The following CCN4 variants were observed in gnomAD, a reference collection of about 807,000 sequenced individuals.
CCN4 encodes the protein CCN family member 4.
In CCN4, 30 loss-of-function variants were observed where a neutral mutation model predicts 36.7. The ratio of observed to expected loss-of-function variants is 0.82; its 90% CI spans 0.61 to 1.11. The LOEUF is 1.11. Among genes scored for constraint, CCN4 ranks in the 50% least tolerant of loss-of-function variants. The pLI is 0.00. For synonymous variants in CCN4, 191 were observed against 195.4 expected (o/e 0.98, Z 0.19); for missense variants, 505 against 504.9 (o/e 1.00, Z 0.00).
chr8:133,213,725 AT>A (rs1390701868), intron 2 of CCN4, among the ~76,000 whole-genome samples: 1 of 147,622 alleles, frequency 6.8e-6, no homozygotes, highest in Non-Finnish European at 1.5e-5. Flanking sequence ...GTATAGAAAT[AT>A]AATATAAAGA....
intron 3 of CCN4, 25 bp from the exon 4 acceptor site, chr8:133,225,365 T>C (rs759415501): frequency 4.6e-5 from 72 of 1,559,422 alleles, no homozygotes; most frequent in Non-Finnish European, 5.6e-5. Flanking sequence ...TGTAGATTCA[T>C]GCAGATTCTG....
intron 1 of CCN4, among the ~76,000 whole-genome samples, chr8:133,204,789 C>A (rs1234338261): frequency 1.3e-5 from 2 of 152,190 alleles, no homozygotes; most frequent in Admixed American, 1.3e-4. Context: ...TCCTTGACCT[C>A]GAGTGATCCA....
intron 1 of CCN4, among the ~76,000 whole-genome samples, chr8:133,193,854 C>T (rs1853202852): frequency 6.6e-6 from 1 of 152,180 alleles, no homozygotes; most frequent in Non-Finnish European, 1.5e-5. Flanking sequence ...CATGTAGTCC[C>T]TGCCCGACAG....
intron 3 of CCN4, among the ~76,000 whole-genome samples, chr8:133,221,220 T>C (rs1028954372): frequency 1.3e-5 from 2 of 152,200 alleles, no homozygotes; most frequent in Non-Finnish European, 2.9e-5. Context: ...AGCTTCATGA[T>C]GATTTGGGGC....
At position 133,223,766 on chromosome 8, in the gene CCN4, G is replaced by C. The variant is rs187277518; in HGVS notation, c.611-1624G>C. Among the ~76,000 whole-genome samples, 116 of 152,072 alleles carry C rather than the reference G, an allele frequency of 7.6e-4. 1 individual carries two copies. Among genetic ancestry groups the C allele is most frequent in the African/African-American group, 2.7e-3 (114 of 41,474 alleles). On this transcript the variant is annotated intron_variant, in intron 3 of 4. Coordinates refer to ENST00000250160, the MANE Select transcript of CCN4 (RefSeq NM_003882.4). ...CCCTCCTCTCCTCATGCACATGTGT[G>C]TTTGGATGGGACAGGCCTCCTCTCC...
intron 3 of CCN4, among the ~76,000 whole-genome samples, chr8:133,223,142 C>T (rs1365871467): frequency 6.6e-6 from 1 of 152,080 alleles, no homozygotes; most frequent in Non-Finnish European, 1.5e-5. Context: ...AGCTTTGTCC[C>T]CAGCAGCCCC....
Position 133,230,155 on chromosome 8 carries a change from C to T in CCN4, c.*2445C>T, listed in dbSNP as rs1372021848. ...AGGAAGGTGGTCAGAATAACCCAGT[C>T]GCCATTGGTTTTGAGAAACGGAACT... is the stretch of plus-strand genomic sequence containing the variant. On this transcript the variant is annotated 3_prime_UTR_variant, in exon 5 of 5. Coordinates refer to ENST00000250160, the MANE Select transcript of CCN4 (RefSeq NM_003882.4). The T allele has an allele frequency of 2.6e-5, 4 of 152,220 alleles. No homozygotes were observed. The highest frequency in any genetic ancestry group is 9.6e-5 in the African/African-American group (4 of 41,462). 9.4% of individuals were successfully genotyped at this position (152,220 alleles called of 1,614,324 possible).
In CCN4 at chr8:133,198,294, T is replaced by G. The variant is rs376216794; in HGVS notation, c.69+7081T>G. ...TAGATGTGCTTTGTCCCTCTTACAG[T>G]GTCCAAAAATATTCTCCTTTCAGCC... On this transcript the variant is annotated intron_variant, in intron 1 of 4. Transcript: ENST00000250160. Among the ~76,000 whole-genome samples, 38 of 152,310 alleles carry G rather than the reference T, an allele frequency of 2.5e-4. 1 individual carries two copies. In the South Asian group the frequency reaches 7.9e-3, roughly 32 times the overall value.
At chr8:133,198,720 G>T (rs960565107) in intron 1 of CCN4, among the ~76,000 whole-genome samples, 1 of 152,212 alleles carries the variant, frequency 6.6e-6, no homozygotes, top group Non-Finnish European at 1.5e-5. Flanking sequence ...TCTTGCCCAC[G>T]TGGAGGGAAA....
chr8:133,194,602 G>A (rs1853271795), intron 1 of CCN4, among the ~76,000 whole-genome samples: 2 of 129,686 alleles, frequency 1.5e-5, no homozygotes, highest in Non-Finnish European at 3.3e-5. Context: ...TGGGGTGTGT[G>A]TGTGTGGGTT....
chr8:133,196,443 C>T (rs190431610), intron 1 of CCN4, among the ~76,000 whole-genome samples: 416 of 152,292 alleles, frequency 2.7e-3, no homozygotes, highest in Non-Finnish European at 4.3e-3. Context: ...ATCTATTATT[C>T]CACTAAACTT....
intron 1 of CCN4, among the ~76,000 whole-genome samples, chr8:133,205,407 A>T (rs1205012528): frequency 6.6e-6 from 1 of 152,066 alleles, no homozygotes; most frequent in Non-Finnish European, 1.5e-5. Context: ...CCTTCCCTAG[A>T]CAACACTCTC....
chr8:133,212,820 C>G, intron 1 of CCN4, 44 bp from the exon 2 acceptor site: 1 of 1,456,808 alleles, frequency 6.9e-7, no homozygotes, highest in South Asian at 1.3e-5. Flanking sequence ...GCGTTGAAAC[C>G]CCTGTCTCAG....
intron 2 of CCN4, among the ~76,000 whole-genome samples, chr8:133,216,000 C>A (rs1588198865): frequency 6.6e-6 from 1 of 152,194 alleles, no homozygotes; most frequent in East Asian, 1.9e-4. Context: ...CACACACACA[C>A]ACACACAAAC....
At chr8:133,218,548 A>G (rs887459213) in intron 2 of CCN4, among the ~76,000 whole-genome samples, 5 of 152,348 alleles carry the variant, frequency 3.3e-5, no homozygotes, top group Admixed American at 2.0e-4. Flanking sequence ...CCCAGTATCC[A>G]ATAACAGAGA....
At chr8:133,218,369 GCAAGGTT>G (rs1229624434) in intron 2 of CCN4, among the ~76,000 whole-genome samples, 2 of 152,150 alleles carry the variant, frequency 1.3e-5, no homozygotes, top group African/African-American at 2.4e-5. Context: ...AATAGCCGCA[GCAAGGTT>G]CACACAAACC....
In CCN4 at chr8:133,225,391, T is replaced by C. The variant is rs1287187290; in HGVS notation, c.612T>C (p.Asp204=). The change falls in exon 4 of 5, where the codon GAT becomes GAC. Residue 204 remains aspartate, a splice_region_variant and synonymous_variant. Coordinates refer to ENST00000250160, the MANE Select transcript of CCN4 (RefSeq NM_003882.4). ...GCAGATTCTGTTCCCCACACACAGA[T>C]GCTGTGGGTGAGGTGGAGGCATGGC... The part of the protein sequence containing the change: ...KTAPRDTGAF[D]AVGEVEAWHR... The C allele has an allele frequency of 6.3e-7, 1 of 1,596,704 alleles. No individual in the cohort carries two copies. Among genetic ancestry groups the C allele is most frequent in the Non-Finnish European group, 8.6e-7 (1 of 1,168,602 alleles).
At chr8:133,209,426 G>A (rs766649998) in intron 1 of CCN4, among the ~76,000 whole-genome samples, 1 of 152,216 alleles carries the variant, frequency 6.6e-6, no homozygotes, top group Non-Finnish European at 1.5e-5. Flanking sequence ...GAGTCTGGGA[G>A]ATTTTCTACC....
intron 1 of CCN4, among the ~76,000 whole-genome samples, chr8:133,195,601 C>T (rs542874480): frequency 2.1e-4 from 32 of 152,240 alleles, no homozygotes; most frequent in Non-Finnish European, 4.1e-4. Flanking sequence ...CAGCCGACAG[C>T]TTATCTTGGA....
Sources: gnomAD v4.1 joint callset for allele counts (sites outside exome capture counted in the v4.1 genomes callset) on GRCh38, gnomAD v4.1.1 for gene constraint, MANE v1.5 for transcripts, NCBI Gene and HGNC (gene_info 2026-07-23, HGNC 2026-07-21) for gene names.